The following CACNA1I variants were observed in gnomAD, a reference collection of about 807,000 sequenced individuals.
The protein encoded by CACNA1I is voltage-dependent T-type calcium channel subunit alpha-1I.
In CACNA1I, 74 loss-of-function variants were observed where a neutral mutation model predicts 201.6. That is an observed-to-expected ratio of 0.37 (90% CI 0.30 to 0.45). The LOEUF (loss-of-function observed/expected upper bound fraction) is 0.45. CACNA1I is among the 20% of genes least tolerant of loss of function. CACNA1I has a pLI of 1.00. For synonymous variants in CACNA1I, 1,431 were observed against 1,345.2 expected (o/e 1.06, Z -1.40); for missense variants, 2,346 against 3,138.1 (o/e 0.75, Z 6.03).
chr22:39,664,842 T>C lies in CACNA1I; in HGVS notation c.3770T>C (p.Val1257Ala), dbSNP rs1213217542. Reference protein sequence around the residue: ...LVFVSIIDIVVSLASAGGAKI... With the variant: ...LVFVSIIDIVASLASAGGAKI... ...TTCGTGTCCATCATCGACATCGTGG[T>C]GTCCCTGGCCTCAGCCGGGGGAGCC... Residue 1257 changes from valine (V) to alanine (A), a missense_variant, in exon 21 of 37, where the codon GTG becomes GCG. By Grantham distance (64) the Val-to-Ala change is moderately conservative (BLOSUM62 0). Transcript: ENST00000402142. The C allele has an allele frequency of 4.3e-6, 7 of 1,613,010 alleles. No individual in the cohort carries two copies. The East Asian group carries it at 8.9e-5, about 21-fold the overall frequency.
intron 4 of CACNA1I, among the ~76,000 whole-genome samples, chr22:39,633,913 A>T (rs1934134199): frequency 6.6e-6 from 1 of 152,196 alleles, no homozygotes; most frequent in African/African-American, 2.4e-5. Flanking sequence ...TGGGAGTGGT[A>T]GTTCTGGCTG....
intron 10 of CACNA1I, among the ~76,000 whole-genome samples, chr22:39,654,525 G>A (rs1252484385): frequency 6.6e-6 from 1 of 152,210 alleles, no homozygotes; most frequent in East Asian, 1.9e-4. Flanking sequence ...TGAATCAGTG[G>A]CTGGATCAAA....
chr22:39,665,722 C>T lies in CACNA1I; in HGVS notation c.3978+98C>T, dbSNP rs997328019. The stretch of plus-strand genomic sequence containing the variant: ...AGAGACTCCACATTCCAACCTCATG[C>T]GCCTTGCCAGCTGTGGGCTTCTCCT... On this transcript the variant is annotated intron_variant, in intron 22 of 36. Transcript: ENST00000402142. This position sits in a 1 kb window ranked among gnomAD's most constrained non-coding sequence, Gnocchi z 5.5. 3.9e-5 allele frequency: 61 copies of T among 1,548,294 alleles called. No homozygotes were observed. Among genetic ancestry groups the T allele is most frequent in the South Asian group, 9.5e-5 (8 of 84,376 alleles).
At chr22:39,647,458 AG>A (rs2146427822) in intron 8 of CACNA1I, among the ~76,000 whole-genome samples, 1 of 152,338 alleles carries the variant, frequency 6.6e-6, no homozygotes, top group East Asian at 1.9e-4. Context: ...AGGGTCACCC[AG>A]GGAGTACAGT....
At chr22:39,612,151 G>A (rs144154827) in intron 3 of CACNA1I, among the ~76,000 whole-genome samples, 4 of 152,174 alleles carry the variant, frequency 2.6e-5, no homozygotes, top group African/African-American at 4.8e-5. Context: ...GATGGTTATC[G>A]TGGGAGTGGG....
In CACNA1I at chr22:39,659,405, C is replaced by G. The variant is rs370700426; in HGVS notation, c.2331-28C>G. ...GTAGGCAGTTTGGTGCATGTGAGTC[C>G]GATGAGCCTCTTCCATCCTTTCCCC... On this transcript the variant is annotated intron_variant, in intron 12 of 36. Coordinates refer to ENST00000402142, the MANE Select transcript of CACNA1I (RefSeq NM_021096.4). This position sits in a 1 kb window ranked among gnomAD's most constrained non-coding sequence, Gnocchi z 4.3. The G allele has an allele frequency of 7.0e-7, 1 of 1,430,692 alleles. No homozygotes were observed. The highest frequency in any genetic ancestry group is 9.6e-7 in the Non-Finnish European group (1 of 1,036,414). The allele number at this position is 1,430,692 out of a possible 1,614,324, so 88.6% of individuals were successfully genotyped here. A position where few individuals can be genotyped will look rare whatever the true frequency, so the allele number is the denominator to read the frequency against.
chr22:39,680,195 C>T (rs1305990871), intron 33 of CACNA1I, among the ~76,000 whole-genome samples: 8 of 152,194 alleles, frequency 5.3e-5, no homozygotes, highest in Non-Finnish European at 1.0e-4. Flanking sequence ...CTTTCTGTGA[C>T]ATGAGGGGTC....
In CACNA1I at chr22:39,659,980, G is replaced by T. The variant is rs1458813497; in HGVS notation, c.2604+128G>T. Reference sequence around the variant, plus strand: ...GCAGGCAACCTATCCCTAAAGGAGGGGGTTGCTGATGAGGTGGTGAGCTCT... The same window carrying T: ...GCAGGCAACCTATCCCTAAAGGAGGTGGTTGCTGATGAGGTGGTGAGCTCT... On this transcript the variant is annotated intron_variant, in intron 14 of 36. Transcript: ENST00000402142. The surrounding 1 kb of genome is among the most constrained non-coding windows in gnomAD (Gnocchi z 4.3). The T allele has an allele frequency of 1.9e-6, 2 of 1,043,056 alleles. No individual in the cohort carries two copies. The highest frequency in any genetic ancestry group is 4.3e-5 in the Admixed American group (2 of 47,046). 64.6% of individuals were successfully genotyped at this position (1,043,056 alleles called of 1,614,324 possible).
At chr22:39,654,238 T>C (rs1406522153) in intron 10 of CACNA1I, among the ~76,000 whole-genome samples, 1 of 152,200 alleles carries the variant, frequency 6.6e-6, no homozygotes, top group African/African-American at 2.4e-5. Context: ...ACAGTTGAAC[T>C]GGAGGAAGGC....
chr22:39,660,871 G>A (rs1934985040), intron 15 of CACNA1I, among the ~76,000 whole-genome samples: 1 of 152,140 alleles, frequency 6.6e-6, no homozygotes, highest in Non-Finnish European at 1.5e-5. Flanking sequence ...GGCTGGTTCT[G>A]AGCACAGAAG....
chr22:39,663,978 T>A (rs1297898332), intron 19 of CACNA1I, 113 bp from the exon 20 acceptor site: 46 of 1,513,390 alleles, frequency 3.0e-5, no homozygotes, highest in Non-Finnish European at 2.6e-5. Context: ...AAAGCCTCCG[T>A]GAACTGAGAG....
chr22:39,662,819 C>G lies in CACNA1I; in HGVS notation c.3416C>G (p.Pro1139Arg). 1 of 1,602,352 alleles carries G rather than the reference C, an allele frequency of 6.2e-7. No individual in the cohort carries two copies. The highest frequency in any genetic ancestry group is 8.5e-7 in the Non-Finnish European group (1 of 1,175,180). Residue 1139 changes from proline to arginine, a missense_variant, in exon 18 of 37, where the codon CCC (proline) becomes CGC (arginine). Physicochemically the swap from Pro to Arg is moderately radical, Grantham distance 103. This residue lies in a region of CACNA1I where 158 missense variants were observed against 231.6 expected (regional missense o/e 0.68). Transcript: ENST00000402142. ...CGCAAGATGATCGACGTCTATAAGC[C>G]CGACTGGTGCGAGGTCCGCGAAGAC... ...RVRKMIDVYK[P>R]DWCEVREDWS...
rs1276083072 is a variant in CACNA1I, at chr22:39,658,315, C to T, written c.2144+12C>T. 1 of 1,612,252 alleles carries T rather than the reference C, an allele frequency of 6.2e-7. No individual in the cohort carries two copies. Among genetic ancestry groups the T allele is most frequent in the East Asian group, 2.2e-5 (1 of 44,830 alleles). On this transcript the variant is annotated intron_variant, in intron 11 of 36. Transcript: ENST00000402142. ...ATTGTCATCATCAGGTACCCCTCCC[C>T]CAACCCACCCGGCAGCAGAGTGCCT... is the stretch of plus-strand genomic sequence containing the variant.
At chr22:39,626,173 G>T (rs752496125) in intron 4 of CACNA1I, among the ~76,000 whole-genome samples, 1 of 152,334 alleles carries the variant, frequency 6.6e-6, no homozygotes, top group East Asian at 1.9e-4. Context: ...CCACCCACTG[G>T]CTGTGGGACC....
intron 4 of CACNA1I, among the ~76,000 whole-genome samples, chr22:39,622,141 C>T (rs577382374): frequency 6.6e-6 from 1 of 152,256 alleles, no homozygotes; most frequent in South Asian, 2.1e-4. Context: ...AAAAGGTGGC[C>T]TCCGTACACT....
At chr22:39,602,283 C>T (rs1340030689) in intron 3 of CACNA1I, among the ~76,000 whole-genome samples, 1 of 151,382 alleles carries the variant, frequency 6.6e-6, no homozygotes, top group African/African-American at 2.4e-5. Context: ...CTATGTTGCC[C>T]AGGCTGGTCT....
rs1218137896 is a variant in CACNA1I at position 39,676,597 on chromosome 22, C to T, written c.4855-744C>T. ...GTTTGGAATCTGGGACGCTTTCTCC[C>T]ACAGGAGCTGTGGGATGGGGGTGGC... is the stretch of plus-strand genomic sequence containing the variant. On this transcript the variant is annotated intron_variant, in intron 29 of 36. Coordinates refer to ENST00000402142, the MANE Select transcript of CACNA1I (RefSeq NM_021096.4). The surrounding 1 kb of genome is among the most constrained non-coding windows in gnomAD (Gnocchi z 4.8). Among the ~76,000 whole-genome samples, 3 of 152,182 alleles carry T rather than the reference C, an allele frequency of 2.0e-5. No homozygotes were observed. In the East Asian group the frequency reaches 5.8e-4, roughly 29 times the overall value.
chr22:39,662,748 C>T lies in CACNA1I; in HGVS notation c.3373-28C>T, dbSNP rs764978994. 6.0e-6 allele frequency: 9 copies of T among 1,496,636 alleles called. 1 individual carries two copies. The South Asian group carries it at 7.2e-5, about 12-fold the overall frequency. 92.7% of individuals were successfully genotyped at this position (1,496,636 alleles called of 1,614,324 possible). ...ACCGGCAACCCTGCGCATCGCTGAC[C>T]CCCGGCGCTCCGTCCTCCTCTTGCT... On this transcript the variant is annotated intron_variant, in intron 17 of 36. Coordinates refer to ENST00000402142, the MANE Select transcript of CACNA1I (RefSeq NM_021096.4).
intron 4 of CACNA1I, among the ~76,000 whole-genome samples, chr22:39,623,899 T>C (rs906256211): frequency 8.3e-5 from 12 of 144,702 alleles, no homozygotes; most frequent in South Asian, 4.6e-4. Flanking sequence ...AGTGTGTGTG[T>C]GCGCCTGTGA....
Sources: gnomAD v4.1 joint callset for allele counts (sites outside exome capture counted in the v4.1 genomes callset) on GRCh38, gnomAD v4.1.1 for gene constraint, gnomAD v4.1.1 regional missense constraint, Gnocchi (gnomAD v3.1) non-coding constraint, MANE v1.5 for transcripts, NCBI Gene and HGNC (gene_info 2026-07-23, HGNC 2026-07-21) for gene names.